The following MGAT4C variants were observed in gnomAD, a reference collection of about 807,000 sequenced individuals.
MGAT4C encodes the protein MGAT4 family member C, also known as alpha-1,3-mannosyl-glycoprotein 4-beta-N-acetylglucosaminyltransferase C.
Under a neutral mutation model 40.1 loss-of-function variants are expected in MGAT4C, and 19 were observed. The ratio of observed to expected loss-of-function variants is 0.47; its 90% CI spans 0.33 to 0.70. The LOEUF (loss-of-function observed/expected upper bound fraction) is 0.70. MGAT4C is among the 30% of genes least tolerant of loss of function. The pLI is 0.02. For missense variants in MGAT4C, 491 were observed against 563.2 expected (o/e 0.87, Z 1.30); for synonymous variants, 181 against 187.1 (o/e 0.97, Z 0.27).
chr12:86,780,681 T>C (rs1383801058), intron 1 of MGAT4C, among the ~76,000 whole-genome samples: 1 of 152,178 alleles, frequency 6.6e-6, no homozygotes, highest in Non-Finnish European at 1.5e-5. Context: ...TCTCCATAAA[T>C]TACCCAGTCT....
chr12:86,099,117 G>A (rs61931147), intron 1 of MGAT4C, among the ~76,000 whole-genome samples: 11,323 of 151,188 alleles, frequency 0.075, 580 homozygotes, highest in Middle Eastern at 0.21. Context: ...TTATATATCT[G>A]TCTCAATAAC....
chr12:86,074,327 T>G (rs534459167), intron 1 of MGAT4C, among the ~76,000 whole-genome samples: 1 of 133,418 alleles, frequency 7.5e-6, no homozygotes, highest in South Asian at 2.7e-4. Context: ...GAGTTAATAC[T>G]TAATAAACAT....
intron 1 of MGAT4C, among the ~76,000 whole-genome samples, chr12:86,790,675 T>C (rs73181371): frequency 0.035 from 5,329 of 152,110 alleles, 162 homozygotes; most frequent in East Asian, 0.12. Flanking sequence ...CATACAGTAT[T>C]GAGAAACCTA....
intron 3 of MGAT4C, among the ~76,000 whole-genome samples, chr12:86,366,001 T>C (rs1009702142): frequency 1.3e-5 from 2 of 152,360 alleles, no homozygotes; most frequent in Non-Finnish European, 1.5e-5. Context: ...TTAACAATAT[T>C]GATTCTTCCA....
At chr12:86,074,380 C>A (rs555774334) in intron 1 of MGAT4C, among the ~76,000 whole-genome samples, 1 of 135,698 alleles carries the variant, frequency 7.4e-6, no homozygotes, top group Non-Finnish European at 1.6e-5. Context: ...ATAGATATTC[C>A]ATTACTTCTA....
intron 1 of MGAT4C, among the ~76,000 whole-genome samples, chr12:86,728,970 C>T (rs988914379): frequency 6.6e-6 from 1 of 152,116 alleles, no homozygotes; most frequent in African/African-American, 2.4e-5. Context: ...GATTAATTCA[C>T]ATGTAGCTTT....
intron 2 of MGAT4C, among the ~76,000 whole-genome samples, chr12:86,506,513 T>G (rs2136341602): frequency 6.6e-6 from 1 of 152,274 alleles, no homozygotes; most frequent in African/African-American, 2.4e-5. Context: ...TTCACAAAAT[T>G]TATTTAGGAA....
At chr12:86,313,906 C>A (rs547047890) in intron 4 of MGAT4C, among the ~76,000 whole-genome samples, 2 of 152,246 alleles carry the variant, frequency 1.3e-5, no homozygotes, top group South Asian at 2.1e-4. Context: ...AATCTTAAAT[C>A]ATTGCTGAAA....
Position 86,115,738 on chromosome 12 carries a change from T to G in MGAT4C, c.-56-66015A>C, listed in dbSNP as rs558082000. Among the ~76,000 whole-genome samples the G allele has an allele frequency of 4.6e-5, 7 of 152,180 alleles. No individual in the cohort carries two copies. In the South Asian group the frequency reaches 1.5e-3, roughly 32 times the overall value. On this transcript the variant is annotated intron_variant, in intron 1 of 4. Coordinates refer to ENST00000611864, the MANE Select transcript of MGAT4C (RefSeq NM_001351288.2). ...GAAGGAAGATCGAAGAAATTCAAGA[T>G]GTTTGTTCTGGGGAAGAAGACAAGT... is the stretch of plus-strand genomic sequence containing the variant.
chr12:86,729,595 T>G (rs572464885), intron 1 of MGAT4C, among the ~76,000 whole-genome samples: 53 of 152,174 alleles, frequency 3.5e-4, no homozygotes, highest in South Asian at 2.7e-3. Flanking sequence ...TTGTTTAATT[T>G]TTATTTCAAC....
chr12:86,019,600 AGT>A (rs1889449573), intron 2 of MGAT4C, among the ~76,000 whole-genome samples: 1 of 152,156 alleles, frequency 6.6e-6, no homozygotes, highest in Non-Finnish European at 1.5e-5. Context: ...GTAGCCTAGT[AGT>A]ATAGTTTGAA....
chr12:86,191,370 A>C (rs1889440258), intron 1 of MGAT4C, among the ~76,000 whole-genome samples: 1 of 151,920 alleles, frequency 6.6e-6, no homozygotes, highest in South Asian at 2.1e-4. Flanking sequence ...AAATGTCTCC[A>C]TTGAATGCAA....
At chr12:86,342,883 T>C (rs1294107481) in intron 3 of MGAT4C, among the ~76,000 whole-genome samples, 1 of 152,190 alleles carries the variant, frequency 6.6e-6, no homozygotes, top group Non-Finnish European at 1.5e-5. Context: ...CGATTGATTA[T>C]AATTACCAAA....
intron 1 of MGAT4C, among the ~76,000 whole-genome samples, chr12:86,119,432 T>A (rs532125696): frequency 1.6e-4 from 24 of 152,122 alleles, no homozygotes; most frequent in Non-Finnish European, 2.9e-4. Flanking sequence ...TCCTTTTTTT[T>A]CTTTTTTTCT....
chr12:86,435,079 C>T (rs920680190), intron 3 of MGAT4C: 2 of 151,948 alleles, frequency 1.3e-5, no homozygotes, highest in South Asian at 2.1e-4. Flanking sequence ...AGAGTCTCCT[C>T]TCCCTGACCA....
At chr12:86,777,057 T>C (rs540835787) in intron 1 of MGAT4C, among the ~76,000 whole-genome samples, 1 of 152,308 alleles carries the variant, frequency 6.6e-6, no homozygotes, top group South Asian at 2.1e-4. Context: ...TTATCTAATT[T>C]GGCAAGACTA....
chr12:86,127,311 C>T (rs138206008), intron 1 of MGAT4C, among the ~76,000 whole-genome samples: 1 of 152,220 alleles, frequency 6.6e-6, no homozygotes, highest in African/African-American at 2.4e-5. Context: ...CATACCTAAA[C>T]ACAGAAAAGG....
chr12:86,606,235 G>A (rs1962042022), intron 2 of MGAT4C, among the ~76,000 whole-genome samples: 1 of 152,044 alleles, frequency 6.6e-6, no homozygotes, highest in Admixed American at 6.6e-5. Flanking sequence ...GGGATGCAAA[G>A]CTTAACCGTA....
rs147656721 is a variant in MGAT4C at position 86,518,140 on chromosome 12, G to A, written c.-228-82875C>T. Among the ~76,000 whole-genome samples the A allele has an allele frequency of 9.7e-4, 148 of 152,264 alleles. 1 individual carries two copies. The highest frequency in any genetic ancestry group is 3.4e-3 in the African/African-American group (143 of 41,552). On this transcript the variant is annotated intron_variant, in intron 2 of 7. Transcript: ENST00000548651. The stretch of plus-strand genomic sequence containing the variant: ...AACCATTAAAATAATGAGTCAGACT[G>A]TTCATTACATTTGGAATACTTGAAG...
Sources: allele counts gnomAD v4.1 joint callset (sites outside exome capture counted in the v4.1 genomes callset), GRCh38; gene constraint gnomAD v4.1.1; transcripts MANE v1.5; gene names NCBI Gene and HGNC (gene_info 2026-07-23, HGNC 2026-07-21).